The following FAM193A variants were observed in gnomAD, a reference collection of about 807,000 sequenced individuals.
FAM193A encodes family with sequence similarity 193 member A.
A neutral mutation model predicts 126.5 loss-of-function variants in FAM193A; 22 were observed. The observed-to-expected ratio is 0.17, with a 90% CI of 0.12 to 0.25. The LOEUF (loss-of-function observed/expected upper bound fraction) is 0.25, where lower values mean the gene tolerates loss of function less well. Ranked by LOEUF, FAM193A falls within the 10% of genes least tolerant of loss-of-function variation. The pLI is 1.00. For synonymous variants in FAM193A, 761 were observed against 646.8 expected, an observed-to-expected ratio of 1.18 and a Z score of -2.68; for missense variants, 1,675 against 1,672.8, an observed-to-expected ratio of 1.00 and a Z score of -0.02.
intron 1 of FAM193A, among the ~76,000 whole-genome samples, chr4:2,584,783 G>A (rs112527346): frequency 2.0e-5 from 3 of 152,056 alleles, no homozygotes; most frequent in South Asian, 4.2e-4. Flanking sequence ...AAATTAGCTG[G>A]GCGTGGTGGT....
intron 12 of FAM193A, among the ~76,000 whole-genome samples, chr4:2,668,841 C>CTTT (rs1713457685): frequency 6.8e-6 from 1 of 147,074 alleles, no homozygotes; most frequent in Non-Finnish European, 1.5e-5. Flanking sequence ...TTTTCTTTTC[C>CTTT]TTTTTCTTTT....
chr4:2,667,431 A>C (rs1370267413), intron 12 of FAM193A, among the ~76,000 whole-genome samples: 1 of 152,180 alleles, frequency 6.6e-6, no homozygotes, highest in Non-Finnish European at 1.5e-5. Flanking sequence ...GAAGCCTTCA[A>C]GTTTAACTGT....
intron 1 of FAM193A, among the ~76,000 whole-genome samples, chr4:2,565,574 TA>T (rs1182917021): frequency 3.2e-4 from 46 of 144,654 alleles, no homozygotes; most frequent in Admixed American, 7.6e-4. Context: ...CACTTTGTAA[TA>T]AAAAAAAAAA....
At chr4:2,617,434 T>G (rs1742277410) in intron 2 of FAM193A, among the ~76,000 whole-genome samples, 1 of 148,646 alleles carries the variant, frequency 6.7e-6, no homozygotes, top group African/African-American at 2.5e-5. Context: ...CCTGGCTAAT[T>G]TTTGTATTTT....
intron 13 of FAM193A, among the ~76,000 whole-genome samples, chr4:2,677,649 G>A (rs749188002): frequency 1.6e-4 from 24 of 151,470 alleles, no homozygotes; most frequent in Non-Finnish European, 3.5e-4. Flanking sequence ...GCTGAGGCAG[G>A]AGAATCACTT....
At chr4:2,694,894 C>T in intron 16 of FAM193A, 52 bp from the exon 17 acceptor site, 1 of 1,481,672 alleles carries the variant, frequency 6.7e-7, no homozygotes. Context: ...CAATGTGAGT[C>T]ATTGCCTCCC....
At chr4:2,703,060 T>C (rs780209018) in intron 19 of FAM193A, among the ~76,000 whole-genome samples, 1 of 152,188 alleles carries the variant, frequency 6.6e-6, no homozygotes, top group Non-Finnish European at 1.5e-5. Flanking sequence ...TAGTGTATTA[T>C]AGACATAATA....
chr4:2,632,056 C>CT (rs11419454), intron 5 of FAM193A, among the ~76,000 whole-genome samples: 12,847 of 151,988 alleles, frequency 0.085, 1,023 homozygotes, highest in African/African-American at 0.2. Flanking sequence ...GCTGAGAAGT[C>CT]TAAGTTTGAG....
chr4:2,649,606 A>AGGCTGT (rs2109063618), intron 7 of FAM193A, among the ~76,000 whole-genome samples: 1 of 152,276 alleles, frequency 6.6e-6, no homozygotes, highest in East Asian at 1.9e-4. Context: ...TAGGAGGTTG[A>AGGCTGT]GGCTGTGGTG....
Position 2,660,047 on chromosome 4 carries a change from C to A in FAM193A, c.1738C>A (p.Pro580Thr). 6.2e-7 allele frequency: 1 copy of A among 1,613,508 alleles called. No individual in the cohort carries two copies. Among genetic ancestry groups the A allele is most frequent in the Non-Finnish European group, 8.5e-7 (1 of 1,179,486 alleles). Residue 580 changes from proline (P) to threonine (T), a missense_variant, in exon 10 of 21, where the codon CCA (proline) becomes ACA (threonine). By Grantham distance (38) the Pro-to-Thr change is conservative (BLOSUM62 -1). Transcript: ENST00000637812. Reference protein sequence around the residue: ...RLILTDSGSAPTFCSDDEDVA... With the variant: ...RLILTDSGSATTFCSDDEDVA... ...CATCCTCACAGACAGTGGCTCGGCA[C>A]CAACTTTGTAAGTTGTGACTTTGTA... is the stretch of plus-strand genomic sequence containing the variant.
intron 1 of FAM193A, among the ~76,000 whole-genome samples, chr4:2,543,308 C>T (rs1033998918): frequency 4.0e-5 from 6 of 151,760 alleles, no homozygotes; most frequent in African/African-American, 7.3e-5. Context: ...AGGATGGTCT[C>T]GATCTCCTGA....
At chr4:2,672,396 G>A in intron 13 of FAM193A, 24 bp downstream of exon 13, 1 of 1,612,262 alleles carries the variant, frequency 6.2e-7, no homozygotes, top group Non-Finnish European at 8.5e-7. Context: ...AAAAGGGTCT[G>A]AAAGCTCACT....
rs190804795 is a variant in FAM193A, at chr4:2,603,069, C to T, written c.501+6740C>T. ...CTGCAGGCTCCGCCTTCTGGGTTCA[C>T]GCCATTCTCCTGCCTCAGCCTCCTG... is the stretch of plus-strand genomic sequence containing the variant. On this transcript the variant is annotated intron_variant, in intron 2 of 20. Coordinates refer to ENST00000637812, the MANE Select transcript of FAM193A (RefSeq NM_001366318.2). Among the ~76,000 whole-genome samples the T allele has an allele frequency of 2.9e-3, 418 of 145,714 alleles. 1 individual carries two copies. Among genetic ancestry groups the T allele is most frequent in the African/African-American group, 8.1e-3 (314 of 38,636 alleles).
At chr4:2,660,190 C>T (rs1712254801) in intron 10 of FAM193A, 136 bp downstream of exon 10, 2 of 893,620 alleles carry the variant, frequency 2.2e-6, no homozygotes, top group South Asian at 1.8e-5. Context: ...GTTTTTAATG[C>T]AGCTTTTAAA....
At chr4:2,695,682 G>A (rs1284230652) in intron 17 of FAM193A, among the ~76,000 whole-genome samples, 1 of 152,070 alleles carries the variant, frequency 6.6e-6, no homozygotes, top group Admixed American at 6.6e-5. Context: ...AGGATTCAGG[G>A]CTTTTTTTGG....
rs1214894155 is a variant in FAM193A, at chr4:2,663,187, C to T, written c.1978C>T (p.Pro660Ser). The T allele has an allele frequency of 1.2e-6, 2 of 1,613,844 alleles. No individual in the cohort carries two copies. The highest frequency in any genetic ancestry group is 2.2e-5 in the East Asian group (1 of 44,888). Residue 660 changes from proline to serine, a missense_variant, in exon 12 of 21, where the codon CCC becomes TCC. Physicochemically the swap from Pro to Ser is moderately conservative, Grantham distance 74. This residue lies in a region of FAM193A where 1,186 missense variants were observed against 1,109.2 expected (regional missense o/e 1.07). Transcript: ENST00000637812. Reference sequence around the variant, plus strand: ...AGCGGACGGCGAGAGTAGTGGGGAGCCCCCAGGGGCCCCGAAGGAAGATGG... The same window carrying T: ...AGCGGACGGCGAGAGTAGTGGGGAGTCCCCAGGGGCCCCGAAGGAAGATGG... Reference protein sequence around the residue: ...EEADGESSGEPPGAPKEDGVL... With the variant: ...EEADGESSGESPGAPKEDGVL...
chr4:2,599,076 C>T (rs1339473170), intron 2 of FAM193A, among the ~76,000 whole-genome samples: 1 of 152,204 alleles, frequency 6.6e-6, no homozygotes, highest in East Asian at 1.9e-4. Context: ...ATGTTTCCTT[C>T]CTCTCTGCTA....
chr4:2,730,426 C>CA (rs1422705184), intron 20 of FAM193A, among the ~76,000 whole-genome samples: 1 of 152,152 alleles, frequency 6.6e-6, no homozygotes, highest in East Asian at 1.9e-4. Context: ...CGCGGTGGCT[C>CA]ACGACTGTAA....
chr4:2,536,184 C>G (rs1217760802), upstream of FAM193A, among the ~76,000 whole-genome samples: 1 of 150,852 alleles, frequency 6.6e-6, no homozygotes, highest in Non-Finnish European at 1.5e-5. Context: ...GGCGGGCGGG[C>G]AGCGGACACC....
Sources: allele counts gnomAD v4.1 joint callset (sites outside exome capture counted in the v4.1 genomes callset), GRCh38; gene constraint gnomAD v4.1.1; regional missense constraint gnomAD v4.1.1; transcripts MANE v1.5; gene names NCBI Gene and HGNC (gene_info 2026-07-23, HGNC 2026-07-21).